DNAH12: variants seen among roughly 807,000 people sequenced by gnomAD.
DNAH12 encodes dynein axonemal heavy chain 12, also known as axonemal beta dynein heavy chain 12.
Under a neutral mutation model 371.5 loss-of-function variants are expected in DNAH12, and 285 were observed. That is an observed-to-expected ratio of 0.77 (90% CI 0.70 to 0.85). The LOEUF is 0.85. Among genes scored for constraint, DNAH12 ranks in the 40% least tolerant of loss-of-function variants. The probability of loss-of-function intolerance (pLI) is 0.00; values close to 1 mark genes in which losing one functional copy is unlikely to be tolerated. For missense variants in DNAH12, 3,611 were observed against 3,689.4 expected (o/e 0.98, Z 0.55); for synonymous variants, 1,200 against 1,213.0 (o/e 0.99, Z 0.22).
At chr3:57,333,995 A>C (rs1274768803) in intron 62 of DNAH12, among the ~76,000 whole-genome samples, 1 of 140,456 alleles carries the variant, frequency 7.1e-6, no homozygotes, top group Non-Finnish European at 1.5e-5. Context: ...AAAGAGAAAT[A>C]GGATACACAA....
intron 32 of DNAH12, among the ~76,000 whole-genome samples, chr3:57,430,029 G>A (rs1030909131): frequency 2.0e-5 from 3 of 151,842 alleles, no homozygotes; most frequent in African/African-American, 7.3e-5. Flanking sequence ...TGTAGGAAGG[G>A]GGACTATAAG....
intron 45 of DNAH12, among the ~76,000 whole-genome samples, chr3:57,389,038 G>A (rs967008016): frequency 6.6e-6 from 1 of 152,012 alleles, no homozygotes; most frequent in Non-Finnish European, 1.5e-5. Flanking sequence ...ATGTACCCTA[G>A]AACTTAAAGT....
intron 20 of DNAH12, 86 bp downstream of exon 20, chr3:57,459,506 T>C: frequency 8.0e-7 from 1 of 1,256,596 alleles, no homozygotes; most frequent in Non-Finnish European, 1.0e-6. Flanking sequence ...AGTTTAATTT[T>C]TATAATCAGA....
intron 55 of DNAH12, among the ~76,000 whole-genome samples, chr3:57,373,357 C>T (rs2063216243): frequency 6.6e-6 from 1 of 151,854 alleles, no homozygotes; most frequent in African/African-American, 2.4e-5. Flanking sequence ...ACTTTGTCAC[C>T]CCAGCTGGAG....
intron 43 of DNAH12, among the ~76,000 whole-genome samples, chr3:57,401,929 G>A (rs782354773): frequency 2.6e-5 from 4 of 152,088 alleles, no homozygotes; most frequent in Non-Finnish European, 4.4e-5. Flanking sequence ...CTAAAGCACC[G>A]ATCGATTTAT....
chr3:57,432,863 T>C (rs1454731852), intron 32 of DNAH12, among the ~76,000 whole-genome samples: 1 of 151,978 alleles, frequency 6.6e-6, no homozygotes, highest in Non-Finnish European at 1.5e-5. Context: ...TTAAAAATCA[T>C]AGAATCTACA....
chr3:57,479,363 A>G (rs2066654291), intron 13 of DNAH12, among the ~76,000 whole-genome samples: 1 of 152,182 alleles, frequency 6.6e-6, no homozygotes, highest in Non-Finnish European at 1.5e-5. Flanking sequence ...TTCAACAAGA[A>G]GAGCTAACTA....
chr3:57,381,455 G>A (rs1254848171), intron 50 of DNAH12, among the ~76,000 whole-genome samples: 1 of 152,052 alleles, frequency 6.6e-6, no homozygotes, highest in African/African-American at 2.4e-5. Flanking sequence ...TTTAAGGGAT[G>A]TATCCTGGAA....
chr3:57,352,344 T>C (rs1009792999), intron 59 of DNAH12, 119 bp from the exon 60 acceptor site: 1 of 1,082,408 alleles, frequency 9.2e-7, no homozygotes. Flanking sequence ...CGTATAAAGA[T>C]ACACACACGA....
At chr3:57,396,290 C>CAAAAAAAAAAAAAAAAA (rs1159748997) in intron 43 of DNAH12, among the ~76,000 whole-genome samples, 13 of 68,564 alleles carry the variant, frequency 1.9e-4, no homozygotes, top group Admixed American at 4.8e-4. Context: ...AAAAAAAAAA[C>CAAAAAAAAAAAAAAAAA]AAAAAAAAAA....
intron 58 of DNAH12, among the ~76,000 whole-genome samples, chr3:57,361,412 ACACACACAC>A (rs2062926586): frequency 7.0e-6 from 1 of 142,574 alleles, no homozygotes; most frequent in Non-Finnish European, 1.5e-5. Flanking sequence ...ATATATATAT[ACACACACAC>A]TATATATATA....
chr3:57,505,461 G>A (rs1207386831), intron 8 of DNAH12, among the ~76,000 whole-genome samples: 1 of 151,950 alleles, frequency 6.6e-6, no homozygotes, highest in Non-Finnish European at 1.5e-5. Context: ...TTTGTTTTGA[G>A]ACAGAGTCTC....
Position 57,330,024 on chromosome 3 carries a change from T to C in DNAH12, c.9978+4441A>G, listed in dbSNP as rs1434700878. On this transcript the variant is annotated intron_variant, in intron 62 of 73. Transcript: ENST00000495027. ...AAAACCACAATGAGATATCATCTCA[T>C]ACCAGTTAGAATGGCAATCATTAAA... Among the ~76,000 whole-genome samples the C allele has an allele frequency of 7.3e-3, 1,101 of 150,456 alleles. 6 individuals carry two copies. Among genetic ancestry groups the C allele is most frequent in the African/African-American group, 0.026 (1,043 of 40,034 alleles).
At chr3:57,547,841 A>C (rs2069591171), upstream of DNAH12, among the ~76,000 whole-genome samples, 1 of 152,226 alleles carries the variant, frequency 6.6e-6, no homozygotes, top group Admixed American at 6.5e-5. Context: ...TCCAGTTTTT[A>C]CCATTGGAGT....
chr3:57,468,500 A>G (rs1575643500), intron 17 of DNAH12, among the ~76,000 whole-genome samples: 1 of 152,234 alleles, frequency 6.6e-6, no homozygotes, highest in East Asian at 1.9e-4. Flanking sequence ...CTGTAGCACC[A>G]GCTACTCAGG....
intron 14 of DNAH12, among the ~76,000 whole-genome samples, chr3:57,472,230 T>C (rs991272791): frequency 6.6e-6 from 1 of 152,082 alleles, no homozygotes; most frequent in African/African-American, 2.4e-5. Context: ...ATGGAAGAAA[T>C]GGGAGCATGT....
chr3:57,394,636 C>T (rs1368524970), intron 43 of DNAH12, among the ~76,000 whole-genome samples: 1 of 152,132 alleles, frequency 6.6e-6, no homozygotes, highest in Non-Finnish European at 1.5e-5. Context: ...CAGAGAGAAT[C>T]CTGGCTGTTC....
In DNAH12 at chr3:57,433,456, T is replaced by C. The variant is rs1328127708; in HGVS notation, c.4891A>G (p.Thr1631Ala). 26 of 1,551,438 alleles carry C rather than the reference T, an allele frequency of 1.7e-5. No homozygotes were observed. Among genetic ancestry groups the C allele is most frequent in the African/African-American group, 4.1e-5 (3 of 73,038 alleles). ...NTFREFALSE[T>A]PDRKWVVFDG... ...AATACAACCCATTTCCGGTCAGGTG[T>C]TTCTGATAAGGCAAATTCTCTAAAA... Residue 1631 changes from threonine (T) to alanine (A), a missense_variant, in exon 32 of 74, where the codon ACA becomes GCA. By Grantham distance (58) the Thr-to-Ala change is moderately conservative. Transcript: ENST00000495027.
intron 16 of DNAH12, among the ~76,000 whole-genome samples, chr3:57,469,408 TG>T (rs1455851750): frequency 6.6e-6 from 1 of 152,208 alleles, no homozygotes; most frequent in Non-Finnish European, 1.5e-5. Context: ...TGAGCCACTG[TG>T]GAGAGTAGTT....
Sources: gnomAD v4.1 joint callset for allele counts (sites outside exome capture counted in the v4.1 genomes callset) on GRCh38, gnomAD v4.1.1 for gene constraint, MANE v1.5 for transcripts, NCBI Gene and HGNC (gene_info 2026-07-23, HGNC 2026-07-21) for gene names.